Variants in CACNA1C observed in about 807,000 individuals in gnomAD.
CACNA1C encodes the protein voltage-dependent L-type calcium channel subunit alpha-1C.
In CACNA1C, 30 loss-of-function variants were observed where a neutral mutation model predicts 229.0. The ratio of observed to expected loss-of-function variants is 0.13; its 90% confidence interval spans 0.10 to 0.18. CACNA1C has a LOEUF of 0.18. CACNA1C is among the 10% of genes least tolerant of loss of function. The pLI, the probability that CACNA1C is intolerant of heterozygous loss-of-function variation, is 1.00. For synonymous variants in CACNA1C, 1,114 were observed against 1,132.5 expected (o/e 0.98, Z 0.33); for missense variants, 1,658 against 2,845.0 (o/e 0.58, Z 9.49).
At chr12:1,989,566 C>CA (rs956723542) in intron 1 of CACNA1C, among the ~76,000 whole-genome samples, 2 of 152,046 alleles carry the variant, frequency 1.3e-5, no homozygotes, top group African/African-American at 4.8e-5. Context: ...ACACAAAAAT[C>CA]AGCCAGGCAT....
intron 3 of CACNA1C, among the ~76,000 whole-genome samples, chr12:2,129,968 A>G (rs1236386017): frequency 6.6e-6 from 1 of 152,226 alleles, no homozygotes; most frequent in Non-Finnish European, 1.5e-5. Context: ...AAAGTGCATT[A>G]GCTTTAATTT....
intron 3 of CACNA1C, among the ~76,000 whole-genome samples, chr12:2,443,212 T>C (rs555781067): frequency 3.3e-5 from 5 of 152,242 alleles, no homozygotes; most frequent in African/African-American, 4.8e-5. Flanking sequence ...CAAGATACAA[T>C]GGGAATATAG....
At chr12:2,297,927 A>C (rs182883094) in intron 3 of CACNA1C, among the ~76,000 whole-genome samples, 15 of 152,324 alleles carry the variant, frequency 9.8e-5, no homozygotes, top group African/African-American at 3.4e-4. Flanking sequence ...GAGAAGGAGA[A>C]GGAAGAAAAG....
intron 10 of CACNA1C, chr12:2,550,449 T>A: frequency 1.9e-6 from 2 of 1,078,172 alleles, no homozygotes; most frequent in African/African-American, 1.6e-5. Flanking sequence ...TCCATTCTGA[T>A]AAATGTGACC....
intron 38 of CACNA1C, 134 bp from the exon 39 acceptor site, chr12:2,674,407 A>G: frequency 7.7e-7 from 1 of 1,298,780 alleles, no homozygotes; most frequent in Non-Finnish European, 1.0e-6. Context: ...GGAGAAGTGA[A>G]GCAAGCAAGA....
chr12:2,255,165 A>C (rs1243929332), intron 3 of CACNA1C, among the ~76,000 whole-genome samples: 1 of 151,724 alleles, frequency 6.6e-6, no homozygotes, highest in Non-Finnish European at 1.5e-5. Flanking sequence ...TCTGTTTGCC[A>C]TCTGCAAAAT....
chr12:2,692,399 T>TGTGTGCATATGTCCTGCCC lies in CACNA1C; in HGVS notation c.*1205_*1223dup, dbSNP rs1491395906. 1 of 152,550 alleles carries TGTGTGCATATGTCCTGCCC rather than the reference T, an allele frequency of 6.6e-6. No individual in the cohort carries two copies. The highest frequency in any genetic ancestry group is 1.9e-4 in the East Asian group (1 of 5,202). 9.4% of individuals were successfully genotyped at this position (152,550 alleles called of 1,614,324 possible). On this transcript the variant is annotated 3_prime_UTR_variant, in exon 47 of 47. Coordinates refer to ENST00000399655, the MANE Select transcript of CACNA1C (RefSeq NM_000719.7). Reference sequence around the variant, plus strand: ...ACGCGTGTGTGTGTGGTGGGTTGTCTGTGTGCATATGTCCTGCCCGTGTAT... The same window carrying TGTGTGCATATGTCCTGCCC: ...ACGCGTGTGTGTGTGGTGGGTTGTCTGTGTGCATATGTCCTGCCCGTGTGCATATGTCCTGCCCGTGTAT...
intron 5 of CACNA1C, among the ~76,000 whole-genome samples, 186 bp downstream of exon 5, chr12:2,457,892 C>CA (rs1369134519): frequency 6.6e-6 from 1 of 152,194 alleles, no homozygotes; most frequent in Non-Finnish European, 1.5e-5. Flanking sequence ...CCTTAAAACA[C>CA]ACTGTGGTCC....
At chr12:2,381,134 C>G (rs540161449) in intron 3 of CACNA1C, among the ~76,000 whole-genome samples, 2 of 152,322 alleles carry the variant, frequency 1.3e-5, no homozygotes, top group East Asian at 3.9e-4. Context: ...AAGTCCCTCA[C>G]TCCTCTGTCC....
intron 3 of CACNA1C, among the ~76,000 whole-genome samples, chr12:2,337,823 G>A (rs2096745526): frequency 6.6e-6 from 1 of 152,194 alleles, no homozygotes. Flanking sequence ...TGGCCCTCCT[G>A]AACCAGGCAC....
At chr12:2,003,756 C>T (rs1020163423) in intron 1 of CACNA1C, among the ~76,000 whole-genome samples, 1 of 152,134 alleles carries the variant, frequency 6.6e-6, no homozygotes, top group Non-Finnish European at 1.5e-5. Context: ...TTTTATTTGA[C>T]GAGGTTGGCT....
At chr12:2,048,133 C>T (rs2051400984), upstream of CACNA1C, among the ~76,000 whole-genome samples, 1 of 152,218 alleles carries the variant, frequency 6.6e-6, no homozygotes, top group Non-Finnish European at 1.5e-5. Context: ...GCTTCATGTC[C>T]ACCTTCCAGA....
At chr12:2,614,244 T>C (rs2153464813) in intron 29 of CACNA1C, 1 of 152,380 alleles carries the variant, frequency 6.6e-6, no homozygotes, top group East Asian at 1.9e-4. Flanking sequence ...TGGGGCAAGA[T>C]AACAGAGACT....
chr12:2,402,169 C>T (rs765423879), intron 3 of CACNA1C, among the ~76,000 whole-genome samples: 28 of 152,256 alleles, frequency 1.8e-4, no homozygotes, highest in Admixed American at 5.2e-4. Context: ...TATGACTCCA[C>T]CAAAGCTAGA....
Position 2,135,395 on chromosome 12 carries a change from G to A in CACNA1C, c.477+14965G>A, listed in dbSNP as rs1367551155. Among the ~76,000 whole-genome samples the A allele has an allele frequency of 2.8e-3, 398 of 144,188 alleles. 1 individual carries two copies. The highest frequency in any genetic ancestry group is 0.01 in the African/African-American group (380 of 36,538). The allele number at this position is 144,188 out of a possible 152,430, so 94.6% of individuals were successfully genotyped here. On this transcript the variant is annotated intron_variant, in intron 3 of 46. Transcript: ENST00000399655. ...GAGGAGAGGCGCTCTGATTTTTAGA[G>A]CTTCCAGTTTTTCTGTTCTGTTTTT... is the stretch of plus-strand genomic sequence containing the variant.
Position 2,651,811 on chromosome 12 carries a change from T to C in CACNA1C, c.4074+43T>C. The stretch of plus-strand genomic sequence containing the variant: ...CCTGCGGCCCGGGGAATCGCAGGGC[T>C]GCCGCGTGGCCCAGAACACAGCTGA... On this transcript the variant is annotated intron_variant, in intron 32 of 46. Transcript: ENST00000399655. The surrounding 1 kb of genome is among the most constrained non-coding windows in gnomAD (Gnocchi z 5.4). The C allele has an allele frequency of 6.7e-7, 1 of 1,492,200 alleles. No homozygotes were observed. Among genetic ancestry groups the C allele is most frequent in the Non-Finnish European group, 9.1e-7 (1 of 1,093,244 alleles). 92.4% of individuals were successfully genotyped at this position (1,492,200 alleles called of 1,614,324 possible). A position where few individuals can be genotyped will look rare whatever the true frequency, so the allele number is the denominator to read the frequency against.
intron 5 of CACNA1C, among the ~76,000 whole-genome samples, chr12:2,478,532 T>TTTAGGTCA (rs2099643133): frequency 6.6e-6 from 1 of 152,216 alleles, no homozygotes; most frequent in Non-Finnish European, 1.5e-5. Flanking sequence ...CACTGAGACC[T>TTTAGGTCA]GTGTCACGCT....
rs2090859473 is a variant in CACNA1C at position 2,632,351 on chromosome 12, G to C, written c.3829-1946G>C. On this transcript the variant is annotated intron_variant, in intron 29 of 46. Transcript: ENST00000399655. This position sits in a 1 kb window ranked among gnomAD's most constrained non-coding sequence, Gnocchi z 4.1. Reference sequence around the variant, plus strand: ...TGTATGGGGAATATGATCGCCTGTAGCTGGGGGTGTATGCACCCATTCAGT... The same window carrying C: ...TGTATGGGGAATATGATCGCCTGTACCTGGGGGTGTATGCACCCATTCAGT... Among the ~76,000 whole-genome samples the C allele has an allele frequency of 6.6e-6, 1 of 151,786 alleles. No homozygotes were observed. Among genetic ancestry groups the C allele is most frequent in the Non-Finnish European group, 1.5e-5 (1 of 67,960 alleles).
intron 3 of CACNA1C, among the ~76,000 whole-genome samples, chr12:2,141,312 G>A (rs1036500415): frequency 3.3e-5 from 5 of 151,266 alleles, no homozygotes; most frequent in African/African-American, 9.7e-5. Context: ...AGAGATAGGC[G>A]AGGGTTACGG....
Sources: allele counts gnomAD v4.1 joint callset (sites outside exome capture counted in the v4.1 genomes callset), GRCh38; gene constraint gnomAD v4.1.1; non-coding constraint Gnocchi (gnomAD v3.1); transcripts MANE v1.5; gene names NCBI Gene and HGNC (gene_info 2026-07-23, HGNC 2026-07-21).